The following CCSER1 variants were observed in gnomAD, a reference collection of about 807,000 sequenced individuals.
The protein encoded by CCSER1 is serine-rich coiled-coil domain-containing protein 1.
A neutral mutation model predicts 82.0 loss-of-function variants in CCSER1; 41 were observed. That is an observed-to-expected ratio of 0.50 (90% CI 0.39 to 0.65). The LOEUF is 0.65. CCSER1 is among the 30% of genes least tolerant of loss of function. The probability of loss-of-function intolerance (pLI) is 0.00; values close to 1 mark genes in which losing one functional copy is unlikely to be tolerated. For synonymous variants in CCSER1, 414 were observed against 383.9 expected, an observed-to-expected ratio of 1.08 and a Z score of -0.92; for missense variants, 1,119 against 1,064.2, an observed-to-expected ratio of 1.05 and a Z score of -0.72.
intron 10 of CCSER1, among the ~76,000 whole-genome samples, chr4:91,343,546 C>T (rs1157261382): frequency 6.6e-6 from 1 of 152,074 alleles, no homozygotes; most frequent in Non-Finnish European, 1.5e-5. Context: ...AGTGTGAATT[C>T]ACTAAGTTGG....
chr4:91,053,130 A>C (rs867594540), intron 9 of CCSER1, among the ~76,000 whole-genome samples: 3 of 152,160 alleles, frequency 2.0e-5, no homozygotes, highest in South Asian at 4.1e-4. Flanking sequence ...TTTAGGGAAA[A>C]ATGTCCTTGA....
intron 10 of CCSER1, among the ~76,000 whole-genome samples, chr4:91,377,822 C>T (rs1488011182): frequency 2.0e-5 from 3 of 152,104 alleles, no homozygotes; most frequent in Non-Finnish European, 2.9e-5. Flanking sequence ...GAAGTCCTTG[C>T]CCATGCCTAT....
chr4:90,622,302 G>A (rs1193873248), intron 5 of CCSER1, among the ~76,000 whole-genome samples: 3 of 152,028 alleles, frequency 2.0e-5, no homozygotes, highest in Non-Finnish European at 4.4e-5. Context: ...TAAGTTCTAG[G>A]GTACATGTGC....
intron 10 of CCSER1, among the ~76,000 whole-genome samples, chr4:91,225,332 ATTATATATGTAATATATATG>A (rs1738089411): frequency 7.8e-6 from 1 of 128,992 alleles, no homozygotes; most frequent in African/African-American, 3.3e-5. Flanking sequence ...ATGTATATAT[ATTATATATGTAATATATATG>A]TATATATATT....
intron 8 of CCSER1, among the ~76,000 whole-genome samples, chr4:90,918,979 G>A (rs1727952860): frequency 2.0e-5 from 3 of 149,206 alleles, no homozygotes; most frequent in South Asian, 2.1e-4. Context: ...CCAAACTTAC[G>A]CTCCAAAATG....
intron 9 of CCSER1, among the ~76,000 whole-genome samples, chr4:90,943,543 G>A (rs534716896): frequency 6.6e-6 from 1 of 151,876 alleles, no homozygotes; most frequent in African/African-American, 2.4e-5. Flanking sequence ...ACTCTAAAAG[G>A]GAGAGAGACA....
intron 1 of CCSER1, among the ~76,000 whole-genome samples, chr4:90,247,176 A>G (rs1314400655): frequency 6.6e-6 from 1 of 152,148 alleles, no homozygotes; most frequent in Non-Finnish European, 1.5e-5. Context: ...TGAATTGTTT[A>G]TTTATGGAAT....
At chr4:90,386,592 T>G (rs558845020) in intron 3 of CCSER1, among the ~76,000 whole-genome samples, 16 of 152,198 alleles carry the variant, frequency 1.1e-4, no homozygotes, top group Non-Finnish European at 1.6e-4. Context: ...GACAATGACC[T>G]ACACCAATGA....
At chr4:91,069,790 C>T (rs2148763435) in intron 9 of CCSER1, among the ~76,000 whole-genome samples, 1 of 152,130 alleles carries the variant, frequency 6.6e-6, no homozygotes, top group Non-Finnish European at 1.5e-5. Flanking sequence ...ACCCTATGAC[C>T]TTGGGAAGGT....
intron 6 of CCSER1, among the ~76,000 whole-genome samples, chr4:90,722,009 G>A (rs1387663039): frequency 6.6e-6 from 1 of 151,604 alleles, no homozygotes; most frequent in Non-Finnish European, 1.5e-5. Context: ...GTTACATAAT[G>A]TAAAATTTGG....
At chr4:91,021,290 A>T (rs1739938963) in intron 9 of CCSER1, among the ~76,000 whole-genome samples, 1 of 152,144 alleles carries the variant, frequency 6.6e-6, no homozygotes, top group Non-Finnish European at 1.5e-5. Flanking sequence ...GATACTTTCC[A>T]TGAGATAATA....
intron 1 of CCSER1, among the ~76,000 whole-genome samples, chr4:90,241,528 G>A (rs1746833443): frequency 6.6e-6 from 1 of 152,000 alleles, no homozygotes; most frequent in Admixed American, 6.6e-5. Flanking sequence ...TATTTTCCTA[G>A]CAGCCAGAAC....
chr4:90,854,164 G>A (rs1006520611), intron 8 of CCSER1, among the ~76,000 whole-genome samples: 2 of 152,138 alleles, frequency 1.3e-5, no homozygotes, highest in Admixed American at 1.3e-4. Flanking sequence ...TGCAGAAATA[G>A]TAGTGAATTT....
chr4:90,789,139 A>G (rs1754907897), intron 7 of CCSER1, among the ~76,000 whole-genome samples: 1 of 152,096 alleles, frequency 6.6e-6, no homozygotes, highest in Non-Finnish European at 1.5e-5. Context: ...TTTATTTCTG[A>G]ACTCTCTGTA....
chr4:91,168,960 G>A (rs910430485), intron 10 of CCSER1, among the ~76,000 whole-genome samples: 9 of 152,030 alleles, frequency 5.9e-5, no homozygotes, highest in African/African-American at 1.4e-4. Context: ...GATTAAGGGC[G>A]GTGCAAGATG....
chr4:90,828,018 G>C (rs970650778), intron 8 of CCSER1, among the ~76,000 whole-genome samples: 6 of 152,094 alleles, frequency 3.9e-5, no homozygotes, highest in Admixed American at 3.9e-4. Context: ...TGACAAAGTT[G>C]GTCTGTGTGT....
intron 10 of CCSER1, chr4:91,129,745 T>C (rs1581609960): frequency 6.6e-6 from 1 of 152,172 alleles, no homozygotes; most frequent in South Asian, 2.1e-4. Flanking sequence ...AGCCAATAAA[T>C]TATTCTATTC....
chr4:91,296,483 A>ATATATT (rs1175690764), intron 10 of CCSER1, among the ~76,000 whole-genome samples: 16 of 124,046 alleles, frequency 1.3e-4, no homozygotes, highest in African/African-American at 4.8e-4. Flanking sequence ...ATATATATAT[A>ATATATT]TATTTTAATT....
chr4:90,597,769 A>G (rs2148729045), intron 5 of CCSER1, among the ~76,000 whole-genome samples: 1 of 152,168 alleles, frequency 6.6e-6, no homozygotes, highest in East Asian at 1.9e-4. Context: ...TGTTAATTTT[A>G]TATCTTTTGA....
Sources: allele counts gnomAD v4.1 joint callset (sites outside exome capture counted in the v4.1 genomes callset), GRCh38; gene constraint gnomAD v4.1.1; transcripts MANE v1.5; gene names NCBI Gene and HGNC (gene_info 2026-07-23, HGNC 2026-07-21).